CSNK1G1: variants seen among roughly 807,000 people sequenced by gnomAD.
CSNK1G1 encodes the protein casein kinase I isoform gamma-1.
CSNK1G1 carries 22 observed loss-of-function variants against 59.6 expected under a neutral mutation model. The ratio of observed to expected loss-of-function variants is 0.37; its 90% CI spans 0.26 to 0.53. The LOEUF is 0.53. Among genes scored for constraint, CSNK1G1 ranks in the 20% least tolerant of loss-of-function variants. The pLI is 0.89. For synonymous variants in CSNK1G1, 179 were observed against 177.1 expected, an observed-to-expected ratio of 1.01 and a Z score of -0.08; for missense variants, 384 against 519.5, an observed-to-expected ratio of 0.74 and a Z score of 2.54.
At chr15:64,282,805 TC>T (rs1160993526) in intron 2 of CSNK1G1, among the ~76,000 whole-genome samples, 1 of 152,024 alleles carries the variant, frequency 6.6e-6, no homozygotes, top group Admixed American at 6.6e-5. Context: ...TTTCTACACT[TC>T]CCCCCTAGCC....
At chr15:64,332,524 TG>T (rs1897162136) in intron 1 of CSNK1G1, among the ~76,000 whole-genome samples, 1 of 67,536 alleles carries the variant, frequency 1.5e-5, no homozygotes, top group Admixed American at 2.2e-4. Flanking sequence ...GGGACTGTGA[TG>T]GGGTGGGGGG....
At position 64,340,989 on chromosome 15, in the gene CSNK1G1, CTTTTTTTTT is replaced by C. The variant is rs908101815; in HGVS notation, c.-225+14990_-225+14998del. On this transcript the variant is annotated intron_variant, in intron 1 of 11. Coordinates refer to ENST00000303052, the MANE Select transcript of CSNK1G1 (RefSeq NM_022048.5). ...ACCACCACGTCCAGCTAATTTTTAT[CTTTTTTTTT>C]TTTTTTTTTTTTTTTTTTGAGACGG... 2.9e-4 allele frequency among the ~76,000 whole-genome samples: 3 copies of C among 10,518 alleles called. 1 individual carries two copies. Among genetic ancestry groups the C allele is most frequent in the African/African-American group, 4.4e-4 (3 of 6,832 alleles). The allele number at this position is 10,518 out of a possible 152,430, so 6.9% of individuals were successfully genotyped here. A position where few individuals can be genotyped will look rare whatever the true frequency, so the allele number is the denominator to read the frequency against.
chr15:64,334,685 A>C (rs1486707914), intron 1 of CSNK1G1, among the ~76,000 whole-genome samples: 1 of 152,136 alleles, frequency 6.6e-6, no homozygotes, highest in African/African-American at 2.4e-5. Flanking sequence ...TCCTATGAGA[A>C]TCTAATGCTG....
intron 1 of CSNK1G1, among the ~76,000 whole-genome samples, chr15:64,332,516 G>A (rs1897161255): frequency 2.1e-5 from 2 of 97,386 alleles, no homozygotes; most frequent in Non-Finnish European, 2.0e-5. Context: ...ACACTCTGGG[G>A]ACTGTGATGG....
chr15:64,171,950 G>C lies in CSNK1G1; in HGVS notation c.1250C>G (p.Thr417Ser), dbSNP rs763267924. Residue 417 changes from threonine (T) to serine (S), a missense_variant, in exon 12 of 12, where the codon ACT becomes AGT. Thr to Ser is a moderately conservative substitution (Grantham distance 58). This residue lies in a region of CSNK1G1 where 325 missense variants were observed against 440.9 expected (regional missense o/e 0.74). Transcript: ENST00000303052. This position sits in a 1 kb window ranked among gnomAD's most constrained non-coding sequence, Gnocchi z 4.8. ...CCFFKRKRKK[T>S]AQRHK Reference sequence around the variant, plus strand: ...CACTGGTCACTTGTGGCGCTGAGCAGTCTTCTTCCTTTTCCTCTTAAAGAA... The same window carrying C: ...CACTGGTCACTTGTGGCGCTGAGCACTCTTCTTCCTTTTCCTCTTAAAGAA... The C allele has an allele frequency of 1.9e-5, 31 of 1,614,186 alleles. No homozygotes were observed. The highest frequency in any genetic ancestry group is 2.6e-5 in the Non-Finnish European group (31 of 1,180,026).
rs535750150 is a variant in CSNK1G1, at chr15:64,192,625, G to A, written c.1107+10457C>T. Reference sequence around the variant, plus strand: ...CATAATCCCAGCACTTTGGGAGGCTGAGGGGGGCGGATCACCTAAGGTCAG... The same window carrying A: ...CATAATCCCAGCACTTTGGGAGGCTAAGGGGGGCGGATCACCTAAGGTCAG... On this transcript the variant is annotated intron_variant, in intron 10 of 11. Transcript: ENST00000303052. Among the ~76,000 whole-genome samples, 7 of 152,164 alleles carry A rather than the reference G, an allele frequency of 4.6e-5. No individual in the cohort carries two copies. In the South Asian group the frequency reaches 1.5e-3, roughly 32 times the overall value.
At chr15:64,197,994 C>CA (rs971360273) in intron 10 of CSNK1G1, among the ~76,000 whole-genome samples, 10 of 152,070 alleles carry the variant, frequency 6.6e-5, no homozygotes, top group African/African-American at 2.4e-4. Flanking sequence ...AAAAGCATGT[C>CA]AAATGCAGCT....
chr15:64,270,438 T>G (rs1596192844), intron 2 of CSNK1G1, among the ~76,000 whole-genome samples: 1 of 152,092 alleles, frequency 6.6e-6, no homozygotes, highest in African/African-American at 2.4e-5. Flanking sequence ...ATGTGGACAT[T>G]TATTGCTATG....
rs185454330 is a variant in CSNK1G1 at position 64,297,899 on chromosome 15, T to C, written c.181+2420A>G. Among the ~76,000 whole-genome samples the C allele has an allele frequency of 4.2e-3, 633 of 152,238 alleles. 2 individuals carry two copies. Among genetic ancestry groups the C allele is most frequent in the African/African-American group, 0.015 (624 of 41,530 alleles). ...AGAACAAGAAAATGACGGAATGGGG[T>C]ATGCAGCCCACTCTATTGTCAGGAA... On this transcript the variant is annotated intron_variant, in intron 2 of 11. Transcript: ENST00000303052.
chr15:64,176,041 G>A lies in CSNK1G1; in HGVS notation c.1215-4056C>T, dbSNP rs1203281723. Reference sequence around the variant, plus strand: ...CTGTGGGATACTGTTATGGCAGGAGGAGACAGCGATAAGATGGGTTTGAAA... The same window carrying A: ...CTGTGGGATACTGTTATGGCAGGAGAAGACAGCGATAAGATGGGTTTGAAA... On this transcript the variant is annotated intron_variant, in intron 11 of 11. Transcript: ENST00000303052. The surrounding 1 kb of genome is among the most constrained non-coding windows in gnomAD (Gnocchi z 5.2). Among the ~76,000 whole-genome samples, 3 of 152,230 alleles carry A rather than the reference G, an allele frequency of 2.0e-5. No homozygotes were observed.
At chr15:64,225,578 G>C (rs2082449310) in intron 4 of CSNK1G1, among the ~76,000 whole-genome samples, 1 of 152,080 alleles carries the variant, frequency 6.6e-6, no homozygotes, top group Non-Finnish European at 1.5e-5. Flanking sequence ...ATTTACATAG[G>C]GCATAACCTA....
chr15:64,199,954 G>A (rs1405336896), intron 10 of CSNK1G1, among the ~76,000 whole-genome samples: 1 of 152,164 alleles, frequency 6.6e-6, no homozygotes. Context: ...CTAAAAAATA[G>A]GCACAAGGTG....
chr15:64,242,208 T>G (rs1023668517), intron 4 of CSNK1G1, among the ~76,000 whole-genome samples: 27 of 152,174 alleles, frequency 1.8e-4, no homozygotes, highest in Admixed American at 3.3e-4. Flanking sequence ...AGTAACTTAT[T>G]CCATCAAAGG....
At chr15:64,350,457 C>T (rs1037843466) in intron 1 of CSNK1G1, among the ~76,000 whole-genome samples, 2 of 151,606 alleles carry the variant, frequency 1.3e-5, no homozygotes, top group East Asian at 1.9e-4. Flanking sequence ...GCCAAGATCA[C>T]GCCACTGCAC....
At chr15:64,203,261 A>AATCATTCTGTCCT in intron 9 of CSNK1G1, 72 bp from the exon 10 acceptor site, 1 of 892,080 alleles carries the variant, frequency 1.1e-6, no homozygotes, top group Non-Finnish European at 1.9e-6. Context: ...GGACAGAATG[A>AATCATTCTGTCCT]TTCTAATTCT....
chr15:64,203,035 G>A (rs748889847), intron 10 of CSNK1G1, 47 bp downstream of exon 10: 1 of 1,397,402 alleles, frequency 7.2e-7, no homozygotes, highest in Non-Finnish European at 1.0e-6. Flanking sequence ...TTTAATATTA[G>A]CCAAGAAGAA....
chr15:64,282,055 G>A lies in CSNK1G1; in HGVS notation c.181+18264C>T, dbSNP rs530382568. Among the ~76,000 whole-genome samples the A allele has an allele frequency of 1.8e-4, 27 of 151,776 alleles. 1 individual carries two copies. In the South Asian group the frequency reaches 4.6e-3, roughly 26 times the overall value. On this transcript the variant is annotated intron_variant, in intron 2 of 11. Coordinates refer to ENST00000303052, the MANE Select transcript of CSNK1G1 (RefSeq NM_022048.5). Reference sequence around the variant, plus strand: ...TCTCACTTTAGCCTCCCAAGTAACTGGGATTACAGGCATGCACCATCAAGC... The same window carrying A: ...TCTCACTTTAGCCTCCCAAGTAACTAGGATTACAGGCATGCACCATCAAGC...
At chr15:64,205,831 A>C (rs1199254137) in intron 7 of CSNK1G1, among the ~76,000 whole-genome samples, 1 of 152,190 alleles carries the variant, frequency 6.6e-6, no homozygotes, top group East Asian at 1.9e-4. Flanking sequence ...AGAGGAATTT[A>C]AGAGTGAAGA....
intron 10 of CSNK1G1, among the ~76,000 whole-genome samples, chr15:64,197,215 T>A (rs55851773): frequency 0.044 from 6,724 of 152,322 alleles, 193 homozygotes; most frequent in South Asian, 0.085. Flanking sequence ...TTCTTTCTCC[T>A]TCTACTGTAA....
Sources: allele counts gnomAD v4.1 joint callset (sites outside exome capture counted in the v4.1 genomes callset), GRCh38; gene constraint gnomAD v4.1.1; regional missense constraint gnomAD v4.1.1; non-coding constraint Gnocchi (gnomAD v3.1); transcripts MANE v1.5; gene names NCBI Gene and HGNC (gene_info 2026-07-23, HGNC 2026-07-21).